COL27A1: variants seen among roughly 807,000 people sequenced by gnomAD.
COL27A1 encodes collagen alpha-1(XXVII) chain.
COL27A1 carries 106 observed loss-of-function variants against 251.3 expected under a neutral mutation model. The observed-to-expected ratio is 0.42, with a 90% CI of 0.36 to 0.50. The LOEUF is 0.50. Ranked by LOEUF, COL27A1 falls within the 20% of genes least tolerant of loss-of-function variation. COL27A1 has a pLI of 0.00. For synonymous variants in COL27A1, 1,000 were observed against 986.3 expected (o/e 1.01, Z -0.26); for missense variants, 2,325 against 2,522.8 (o/e 0.92, Z 1.68).
intron 1 of COL27A1, among the ~76,000 whole-genome samples, chr9:114,159,820 C>G (rs1333139647): frequency 6.6e-6 from 1 of 152,206 alleles, no homozygotes; most frequent in Non-Finnish European, 1.5e-5. Flanking sequence ...CCTGCCTTCC[C>G]TGAGCCTTGG....
chr9:114,260,805 T>TG (rs1197660381), intron 28 of COL27A1, among the ~76,000 whole-genome samples: 2 of 152,172 alleles, frequency 1.3e-5, no homozygotes, highest in Admixed American at 6.5e-5. Flanking sequence ...TTCCCAGCTG[T>TG]GGAACCCCAG....
intron 1 of COL27A1, among the ~76,000 whole-genome samples, chr9:114,159,729 T>A (rs1848364983): frequency 6.6e-6 from 1 of 152,202 alleles, no homozygotes. Context: ...TCTGGCCAAT[T>A]TCCTAGAAAG....
In COL27A1 at chr9:114,211,019, G is replaced by T; in HGVS notation, c.2360G>T (p.Gly787Val). ...GTTCCTGGCAAGAGGGGCAAGATGG[G>T]TATGCCGGTAAAGATTTTCCGTGTC... Reference protein sequence around the residue: ...PGVPGKRGKMGMPGFPGVFGE... With the variant: ...PGVPGKRGKMVMPGFPGVFGE... The change falls in exon 12 of 61, where the codon GGT becomes GTT. Residue 787 changes from glycine to valine, a missense_variant. By Grantham distance (109) the Gly-to-Val change is moderately radical (BLOSUM62 -3). This residue lies in a region of COL27A1 where 1,183 missense variants were observed against 1,144.1 expected (regional missense o/e 1.03). Transcript: ENST00000356083. 1 of 1,614,236 alleles carries T rather than the reference G, an allele frequency of 6.2e-7. No individual in the cohort carries two copies. The highest frequency in any genetic ancestry group is 8.5e-7 in the Non-Finnish European group (1 of 1,180,030).
At chr9:114,216,977 C>T (rs1830751877) in intron 12 of COL27A1, among the ~76,000 whole-genome samples, 1 of 152,168 alleles carries the variant, frequency 6.6e-6, no homozygotes, top group Admixed American at 6.5e-5. Flanking sequence ...GTCACACTGC[C>T]TAGGTTCGAA....
rs1830834169 is a variant in COL27A1, at chr9:114,218,130, T to G, written c.2368-1661T>G. 3 of 242,676 alleles carry G rather than the reference T, an allele frequency of 1.2e-5. No homozygotes were observed. The South Asian group carries it at 1.5e-4, about 12-fold the overall frequency. The allele number at this position is 242,676 out of a possible 1,614,324, so 15.0% of individuals were successfully genotyped here. ...TCATGAAAAAAAAAGAAGGATCCCCTGGACACAGCCCACCTGGCTGATTCT... is the reference window on the plus strand; with the variant it reads ...TCATGAAAAAAAAAGAAGGATCCCCGGGACACAGCCCACCTGGCTGATTCT... On this transcript the variant is annotated intron_variant, in intron 12 of 60. Transcript: ENST00000356083.
intron 5 of COL27A1, among the ~76,000 whole-genome samples, chr9:114,192,033 T>C (rs1294030804): frequency 6.6e-6 from 1 of 152,204 alleles, no homozygotes; most frequent in African/African-American, 2.4e-5. Context: ...ATTTGGCTTG[T>C]AGCATCTGTA....
chr9:114,272,868 TAGA>T (rs1319714239), intron 36 of COL27A1: 1 of 152,002 alleles, frequency 6.6e-6, no homozygotes, highest in African/African-American at 2.4e-5. Context: ...ATCTTGGAAT[TAGA>T]AGGAGCCAGA....
chr9:114,231,764 C>A, intron 15 of COL27A1, 58 bp from the exon 16 acceptor site: 1 of 1,570,966 alleles, frequency 6.4e-7, no homozygotes, highest in Non-Finnish European at 8.8e-7. Flanking sequence ...TAAGCCAGGG[C>A]TCCTGACTTC....
chr9:114,201,626 G>C (rs1829585928), intron 7 of COL27A1, among the ~76,000 whole-genome samples: 1 of 152,176 alleles, frequency 6.6e-6, no homozygotes, highest in Admixed American at 6.5e-5. Flanking sequence ...GCCATAACTT[G>C]CTAGGTAACT....
chr9:114,303,486 G>A (rs1390541897), intron 56 of COL27A1, among the ~76,000 whole-genome samples: 1 of 152,054 alleles, frequency 6.6e-6, no homozygotes, highest in African/African-American at 2.4e-5. Flanking sequence ...CCATACACCC[G>A]CCTCGGCCTC....
chr9:114,249,167 A>G (rs1448094005), intron 24 of COL27A1, among the ~76,000 whole-genome samples: 1 of 152,252 alleles, frequency 6.6e-6, no homozygotes, highest in Non-Finnish European at 1.5e-5. Context: ...AGTGCCAGGT[A>G]CAGGGCTTGG....
rs548261777 is a variant in COL27A1, at chr9:114,221,104, C to T, written c.2422-1119C>T. On this transcript the variant is annotated intron_variant, in intron 13 of 60. Transcript: ENST00000356083. ...AGGCTGTGTAAAATACTGGGTAATC[C>T]GGGGTATAGTCCTGCCTTTGAGGAG... is the stretch of plus-strand genomic sequence containing the variant. 3.9e-5 allele frequency among the ~76,000 whole-genome samples: 6 copies of T among 152,148 alleles called. No homozygotes were observed. In the South Asian group the frequency reaches 6.2e-4, roughly 16 times the overall value.
At chr9:114,300,581 C>A in intron 50 of COL27A1, 44 bp from the exon 51 acceptor site, 1 of 1,494,656 alleles carries the variant, frequency 6.7e-7, no homozygotes, top group Admixed American at 2.2e-5. Flanking sequence ...GCCCTTTACC[C>A]AGTGGCTGCC....
At chr9:114,242,114 C>T (rs1158318474) in intron 21 of COL27A1, 73 bp from the exon 22 acceptor site, 3 of 1,341,468 alleles carry the variant, frequency 2.2e-6, no homozygotes, top group South Asian at 3.0e-5. Flanking sequence ...TCCCTCCATA[C>T]AGGACAAGAT....
At chr9:114,227,155 C>T (rs1301050393) in intron 14 of COL27A1, among the ~76,000 whole-genome samples, 1 of 152,104 alleles carries the variant, frequency 6.6e-6, no homozygotes, top group Admixed American at 6.5e-5. Flanking sequence ...TGTGAGCAAC[C>T]ATCATGAAGG....
At chr9:114,243,290 G>A (rs1006800119) in intron 22 of COL27A1, among the ~76,000 whole-genome samples, 4 of 152,160 alleles carry the variant, frequency 2.6e-5, no homozygotes, top group Non-Finnish European at 5.9e-5. Context: ...ACCAACCCAG[G>A]GATGGGGGAG....
intron 36 of COL27A1, chr9:114,272,846 C>T (rs1835236604): frequency 6.6e-6 from 1 of 152,106 alleles, no homozygotes; most frequent in Admixed American, 6.5e-5. Context: ...GGCATCGTCC[C>T]CTGAGCAGAG....
intron 6 of COL27A1, 148 bp downstream of exon 6, chr9:114,194,605 G>T (rs753882204): frequency 2.9e-5 from 21 of 722,230 alleles, no homozygotes; most frequent in Admixed American, 5.7e-5. Context: ...GTATGGTTTG[G>T]TTTTTTCCTT....
chr9:114,186,137 C>T (rs1423217683), intron 5 of COL27A1, among the ~76,000 whole-genome samples: 4 of 152,220 alleles, frequency 2.6e-5, no homozygotes, highest in Non-Finnish European at 5.9e-5. Flanking sequence ...AGCCAGGCCA[C>T]ACCCCATCTT....
Sources: gnomAD v4.1 joint callset for allele counts (sites outside exome capture counted in the v4.1 genomes callset) on GRCh38, gnomAD v4.1.1 for gene constraint, gnomAD v4.1.1 regional missense constraint, MANE v1.5 for transcripts, NCBI Gene and HGNC (gene_info 2026-07-23, HGNC 2026-07-21) for gene names.